The following ANKAR variants were observed in gnomAD, a reference collection of about 807,000 sequenced individuals.
ANKAR encodes ankyrin and armadillo repeat containing, also known as ankyrin and armadillo repeat-containing protein.
Under a neutral mutation model 146.2 loss-of-function variants are expected in ANKAR, and 136 were observed. The observed-to-expected ratio is 0.93, with a 90% CI of 0.81 to 1.07. ANKAR has a LOEUF of 1.07. ANKAR is among the 50% of genes least tolerant of loss of function. The probability of loss-of-function intolerance (pLI) is 0.00; values close to 1 mark genes in which losing one functional copy is unlikely to be tolerated. For synonymous variants in ANKAR, 500 were observed against 575.8 expected, an observed-to-expected ratio of 0.87 and a Z score of 1.88; for missense variants, 1,567 against 1,679.9, an observed-to-expected ratio of 0.93 and a Z score of 1.18.
At chr2:189,760,453 A>G (rs766211152) in intron 18 of ANKAR, among the ~76,000 whole-genome samples, 45 of 152,342 alleles carry the variant, frequency 3.0e-4, no homozygotes, top group Non-Finnish European at 5.4e-4. Flanking sequence ...ATTTTAATAT[A>G]TTCTAAATTA....
chr2:189,692,482 A>T (rs1298044538), intron 4 of ANKAR, 64 bp downstream of exon 4: 1 of 1,459,926 alleles, frequency 6.8e-7, no homozygotes, highest in African/African-American at 1.4e-5. Context: ...TTCTCCAACC[A>T]AAAAGAGCCT....
rs2037519244 is a variant in ANKAR, at chr2:189,698,154, GGCTA to G, written c.1708+1786_1708+1789del. On this transcript the variant is annotated intron_variant, in intron 7 of 22. Coordinates refer to ENST00000684021, the MANE Select transcript of ANKAR (RefSeq NM_001378068.1). Reference sequence around the variant, plus strand: ...ATAAAGTATTTGGTGCATTTAAAAAGGCTATTGCATATATTAGAACTTTTCTTAT... The same window carrying G: ...ATAAAGTATTTGGTGCATTTAAAAAGTTGCATATATTAGAACTTTTCTTAT... Among the ~76,000 whole-genome samples, 3 of 152,062 alleles carry G rather than the reference GGCTA, an allele frequency of 2.0e-5. No individual in the cohort carries two copies. The South Asian group carries it at 6.2e-4, about 31-fold the overall frequency.
chr2:189,755,578 A>T (rs2045954676), intron 18 of ANKAR: 2 of 1,573,268 alleles, frequency 1.3e-6, no homozygotes, highest in Non-Finnish European at 1.7e-6. Context: ...AAAGAAAGAC[A>T]GCATTTTGTA....
downstream of ANKAR, among the ~76,000 whole-genome samples, chr2:189,747,707 A>G (rs1184234957): frequency 6.6e-6 from 1 of 151,960 alleles, no homozygotes; most frequent in African/African-American, 2.4e-5. Flanking sequence ...TTATTTATTT[A>G]TTCGAGATGG....
chr2:189,705,774 A>T (rs2038850360), intron 8 of ANKAR, among the ~76,000 whole-genome samples: 1 of 152,024 alleles, frequency 6.6e-6, no homozygotes, highest in East Asian at 2.0e-4. Context: ...AAATCCCAAC[A>T]ATCTTTTGTT....
At position 189,722,326 on chromosome 2, in the gene ANKAR, G is replaced by T. The variant is rs539770295; in HGVS notation, c.2635+1539G>T. On this transcript the variant is annotated intron_variant, in intron 12 of 22. Coordinates refer to ENST00000684021, the MANE Select transcript of ANKAR (RefSeq NM_001378068.1). ...TGCACTCTAGCCTGGGCAACAGAGC[G>T]AGACTCCATCTCAAAAAAAAAAAGG... 6.3e-3 allele frequency among the ~76,000 whole-genome samples: 638 copies of T among 101,904 alleles called. 4 individuals are homozygous for T. The highest frequency in any genetic ancestry group is 0.025 in the African/African-American group (609 of 24,428). 66.9% of individuals were successfully genotyped at this position (101,904 alleles called of 152,430 possible).
intron 3 of ANKAR, among the ~76,000 whole-genome samples, chr2:189,691,413 T>C (rs1224521919): frequency 2.0e-5 from 3 of 152,146 alleles, no homozygotes; most frequent in Admixed American, 6.5e-5. Context: ...TCCAGAAATA[T>C]GGGATGGTTA....
intron 18 of ANKAR, among the ~76,000 whole-genome samples, chr2:189,759,160 A>T (rs1457814167): frequency 6.6e-6 from 1 of 152,134 alleles, no homozygotes; most frequent in African/African-American, 2.4e-5. Flanking sequence ...AGTCCCTTTC[A>T]CATAGTTATT....
Position 189,738,603 on chromosome 2 carries a change from T to C in ANKAR, c.3621T>C (p.His1207=), listed in dbSNP as rs756804157. 1.9e-6 allele frequency: 3 copies of C among 1,611,986 alleles called. No homozygotes were observed. The highest frequency in any genetic ancestry group is 8.5e-7 in the Non-Finnish European group (1 of 1,178,606). Residue 1207 remains histidine, a synonymous_variant, in exon 19 of 23, where the codon CAT becomes CAC. Transcript: ENST00000684021. ...CTAAAGTCATTAGAGATATGGACCA[T>C]ATTACTTTGTCTGCAAGAGGTGTTA... ...VLAKVIRDMD[H]ITLSARGVTI...
In ANKAR at chr2:189,733,159, A is replaced by G; in HGVS notation, c.3353A>G (p.Gln1118Arg). 6.2e-7 allele frequency: 1 copy of G among 1,613,008 alleles called. No homozygotes were observed. The highest frequency in any genetic ancestry group is 8.5e-7 in the Non-Finnish European group (1 of 1,179,394). ...ATTGTCCTAGGGAATGATGTGTTAC[A>G]GAAAGACTTACATGAAAATGAAGGA... ...ACIVLGNDVL[Q>R]KDLHENEGFE... is the part of the protein sequence containing the mutation. Residue 1118 changes from glutamine (Q) to arginine (R), a missense_variant, in exon 17 of 23, where the codon CAG (glutamine) becomes CGG (arginine). By Grantham distance (43) the Gln-to-Arg change is conservative. Coordinates refer to ENST00000684021, the MANE Select transcript of ANKAR (RefSeq NM_001378068.1).
chr2:189,705,081 A>G lies in ANKAR; in HGVS notation c.1767A>G (p.Leu589=), dbSNP rs934794667. ...QACSLETTVC[L]LCSKADYTLS... ...GCTCATTAGAAACAACAGTTTGTCT[A>G]CTGTGTTCCAAAGCTGATTACACGC... Residue 589 remains leucine, a synonymous_variant, in exon 8 of 23, where the codon CTA becomes CTG. Transcript: ENST00000684021. The G allele has an allele frequency of 6.2e-7, 1 of 1,614,072 alleles. No homozygotes were observed. Among genetic ancestry groups the G allele is most frequent in the Non-Finnish European group, 8.5e-7 (1 of 1,179,994 alleles).
Position 189,735,331 on chromosome 2 carries a change from G to T in ANKAR, c.3423+2102G>T, listed in dbSNP as rs148511601. 5.9e-5 allele frequency among the ~76,000 whole-genome samples: 9 copies of T among 152,268 alleles called. No individual in the cohort carries two copies. In the East Asian group the frequency reaches 1.7e-3, roughly 29 times the overall value. On this transcript the variant is annotated intron_variant, in intron 17 of 22. Transcript: ENST00000684021. ...AGAGAACTAGAAGGTTTAACCAAAG[G>T]ATTTATCCGGCCTTGGCTGAAATTT...
chr2:189,728,988 G>T (rs1269378652), intron 15 of ANKAR, among the ~76,000 whole-genome samples, 167 bp downstream of exon 15: 1 of 152,128 alleles, frequency 6.6e-6, no homozygotes, highest in African/African-American at 2.4e-5. Flanking sequence ...CTAAGAACTT[G>T]GTCAGTAAAA....
At chr2:189,722,053 T>C (rs760727058) in intron 12 of ANKAR, among the ~76,000 whole-genome samples, 27 of 152,010 alleles carry the variant, frequency 1.8e-4, no homozygotes, top group Non-Finnish European at 3.5e-4. Flanking sequence ...CCTTTAAGAA[T>C]AGCATCAGAG....
rs559766340 is a variant in ANKAR, at chr2:189,727,944, G to A, written c.2724G>A (p.Ala908=). The change falls in exon 13 of 23, where the codon GCG becomes GCA. Residue 908 remains alanine, a synonymous_variant. Coordinates refer to ENST00000684021, the MANE Select transcript of ANKAR (RefSeq NM_001378068.1). ...AGGATGCTATAGCTATGGAGGGAGC[G>A]ATTCCTCCTCTGGTGGCTCTTTTTA... ...EIQDAIAMEG[A]IPPLVALFKG... 8.7e-6 allele frequency: 14 copies of A among 1,614,012 alleles called. No homozygotes were observed. Among genetic ancestry groups the A allele is most frequent in the Admixed American group, 3.3e-5 (2 of 59,982 alleles).
rs376598809 is a variant in ANKAR, at chr2:189,696,149, G to A, written c.1489-1G>A. On this transcript the variant is annotated splice_acceptor_variant, in intron 6 of 22. Coordinates refer to ENST00000684021, the MANE Select transcript of ANKAR (RefSeq NM_001378068.1). LOFTEE classifies it high-confidence loss of function. ...ACTGATTCTGGCCTTCTTAATTTTA[G>A]AGTATTCCATTTGGTATGAAGTCCG... 4 of 1,613,256 alleles carry A rather than the reference G, an allele frequency of 2.5e-6. No homozygotes were observed. Among genetic ancestry groups the A allele is most frequent in the Admixed American group, 3.3e-5 (2 of 59,944 alleles).
At chr2:189,722,029 A>G (rs2041307673) in intron 12 of ANKAR, among the ~76,000 whole-genome samples, 2 of 152,224 alleles carry the variant, frequency 1.3e-5, no homozygotes, top group South Asian at 2.1e-4. Context: ...ATCGCTTACT[A>G]TGCTCTACTT....
intron 2 of ANKAR, among the ~76,000 whole-genome samples, chr2:189,688,945 A>AT (rs60591514): frequency 3.3e-5 from 5 of 152,206 alleles, no homozygotes; most frequent in Admixed American, 1.3e-4. Context: ...AGCTCTAGTT[A>AT]GGCGTAGGGG....
intron 7 of ANKAR, among the ~76,000 whole-genome samples, chr2:189,697,864 G>A (rs375286124): frequency 5.5e-5 from 8 of 144,560 alleles, no homozygotes; most frequent in South Asian, 2.3e-4. Context: ...GCCATTTGGG[G>A]GGCAGAGTTT....
Sources: allele counts gnomAD v4.1 joint callset (sites outside exome capture counted in the v4.1 genomes callset), GRCh38; gene constraint gnomAD v4.1.1; transcripts MANE v1.5; gene names NCBI Gene and HGNC (gene_info 2026-07-23, HGNC 2026-07-21).